The following SNAP25 variants were observed in gnomAD, a reference collection of about 807,000 sequenced individuals.
SNAP25 encodes synaptosomal-associated protein 25.
A neutral mutation model predicts 28.7 loss-of-function variants in SNAP25; 3 were observed. The ratio of observed to expected loss-of-function variants is 0.10; its 90% CI spans 0.05 to 0.27. The LOEUF is 0.27. SNAP25 is among the 10% of genes least tolerant of loss of function. The pLI is 1.00. For missense variants in SNAP25, 117 were observed against 278.7 expected (o/e 0.42, Z 4.13); for synonymous variants, 61 against 88.1 (o/e 0.69, Z 1.72).
At chr20:10,304,878 G>A (rs890160817) in intron 7 of SNAP25, among the ~76,000 whole-genome samples, 10 of 152,102 alleles carry the variant, frequency 6.6e-5, no homozygotes, top group African/African-American at 2.4e-4. Context: ...TTAAACGGAT[G>A]CTCACAACAC....
intron 1 of SNAP25, among the ~76,000 whole-genome samples, chr20:10,232,554 A>C (rs188777052): frequency 1.1e-4 from 16 of 152,300 alleles, no homozygotes; most frequent in African/African-American, 3.6e-4. Context: ...TGTTTCTTTC[A>C]CCTTTCTGTG....
chr20:10,236,959 C>CATACATAA (rs1555786463), intron 1 of SNAP25, among the ~76,000 whole-genome samples: 2 of 146,498 alleles, frequency 1.4e-5, no homozygotes, highest in Non-Finnish European at 3.0e-5. Context: ...AAGGAAAATA[C>CATACATAA]ATAAATAAAT....
At chr20:10,247,718 A>G (rs1444456337) in intron 1 of SNAP25, among the ~76,000 whole-genome samples, 1 of 152,194 alleles carries the variant, frequency 6.6e-6, no homozygotes, top group Non-Finnish European at 1.5e-5. Flanking sequence ...AGAGAAAAGA[A>G]ATTTGACTGC....
At chr20:10,276,007 TTCA>T (rs2123006848) in intron 2 of SNAP25, among the ~76,000 whole-genome samples, 1 of 152,352 alleles carries the variant, frequency 6.6e-6, no homozygotes, top group African/African-American at 2.4e-5. Flanking sequence ...ACACTCAAAC[TTCA>T]TCACTTCCTA....
intron 1 of SNAP25, among the ~76,000 whole-genome samples, chr20:10,253,942 G>T (rs78759329): frequency 6.6e-6 from 1 of 152,114 alleles, no homozygotes; most frequent in African/African-American, 2.4e-5. Flanking sequence ...GGTTCCCTAC[G>T]CAGGATGTGC....
chr20:10,303,895 A>G (rs1217271673), intron 7 of SNAP25, among the ~76,000 whole-genome samples: 1 of 152,246 alleles, frequency 6.6e-6, no homozygotes, highest in East Asian at 1.9e-4. Flanking sequence ...ACAAAATCAT[A>G]GTAAATGTGC....
chr20:10,301,158 G>C (rs917249359), intron 7 of SNAP25, among the ~76,000 whole-genome samples: 1 of 152,142 alleles, frequency 6.6e-6, no homozygotes, highest in Admixed American at 6.5e-5. Flanking sequence ...TCCTGGAAAG[G>C]CAAGTGGCAT....
chr20:10,296,897 C>T (rs1428796840), intron 5 of SNAP25, 28 bp from the exon 6 acceptor site: 1 of 1,613,604 alleles, frequency 6.2e-7, no homozygotes, highest in Non-Finnish European at 8.5e-7. Context: ...ACCCCTGTGC[C>T]TTGTCACTCA....
intron 3 of SNAP25, among the ~76,000 whole-genome samples, chr20:10,280,922 C>T (rs931955439): frequency 6.6e-6 from 1 of 152,116 alleles, no homozygotes; most frequent in African/African-American, 2.4e-5. Context: ...GTTGAGCAGT[C>T]CTTTTCAGAT....
chr20:10,245,810 A>G (rs993965671), intron 1 of SNAP25, among the ~76,000 whole-genome samples: 6 of 152,358 alleles, frequency 3.9e-5, no homozygotes, highest in Non-Finnish European at 2.9e-5. Context: ...TTGTCACTGC[A>G]TCTGTATTTG....
chr20:10,278,135 G>T, intron 3 of SNAP25: 1 of 156,616 alleles, frequency 6.4e-6, no homozygotes, highest in Non-Finnish European at 1.4e-5. Context: ...TCTAACTTTA[G>T]CCACATATAT....
intron 3 of SNAP25, among the ~76,000 whole-genome samples, chr20:10,282,583 T>C (rs565867774): frequency 2.0e-5 from 3 of 152,348 alleles, no homozygotes; most frequent in African/African-American, 7.2e-5. Context: ...TAAATGGGTA[T>C]AATAGAATAT....
intron 1 of SNAP25, among the ~76,000 whole-genome samples, chr20:10,254,206 A>C (rs1160361187): frequency 6.6e-6 from 1 of 152,198 alleles, no homozygotes; most frequent in Non-Finnish European, 1.5e-5. Flanking sequence ...CCATACAGAG[A>C]CCAGAAATGG....
chr20:10,224,257 C>CTTTT (rs71332917), intron 1 of SNAP25, among the ~76,000 whole-genome samples: 432 of 17,262 alleles, frequency 0.025, 74 homozygotes, highest in African/African-American at 0.052. Context: ...ATGTACATGT[C>CTTTT]TTTTTTTTTT....
At chr20:10,256,261 T>C (rs2063317498) in intron 1 of SNAP25, among the ~76,000 whole-genome samples, 1 of 152,248 alleles carries the variant, frequency 6.6e-6, no homozygotes, top group Admixed American at 6.5e-5. Context: ...TATCCGCTAT[T>C]ACGAAGGACC....
Position 10,293,066 on chromosome 20 carries a change from TAA to T in SNAP25, c.164-94_164-93del. On this transcript the variant is annotated intron_variant, in intron 4 of 7. Transcript: ENST00000254976. The surrounding 1 kb of genome is among the most constrained non-coding windows in gnomAD (Gnocchi z 5.6). ...TCTTTCTTTTTTTTTTTTTCTTTTT[TAA>T]TGTCAAAGTGAATGTCTGAAGTTTT... is the stretch of plus-strand genomic sequence containing the variant. The T allele has an allele frequency of 6.9e-7, 1 of 1,455,332 alleles. No homozygotes were observed. The highest frequency in any genetic ancestry group is 9.4e-7 in the Non-Finnish European group (1 of 1,068,210). The allele number at this position is 1,455,332 out of a possible 1,614,324, so 90.2% of individuals were successfully genotyped here.
chr20:10,245,589 A>G lies in SNAP25; in HGVS notation c.-64+26612A>G, dbSNP rs372347276. 3.3e-5 allele frequency among the ~76,000 whole-genome samples: 5 copies of G among 152,232 alleles called. No homozygotes were observed. The East Asian group carries it at 5.8e-4, about 18-fold the overall frequency. ...TCTGGGGCAGTGTGGGTTTCAAAGT[A>G]TCGCATTTACAGTTTCACCCCGGGC... On this transcript the variant is annotated intron_variant, in intron 1 of 7. Transcript: ENST00000254976.
chr20:10,306,222 A>T lies in SNAP25; in HGVS notation c.*25A>T. On this transcript the variant is annotated 3_prime_UTR_variant, in exon 8 of 8. Transcript: ENST00000254976. Reference sequence around the variant, plus strand: ...AGTGTGCCCACCCGTGTTCTCCTCCAAATGCTGTCGGGCAAGATAGCTCCT... The same window carrying T: ...AGTGTGCCCACCCGTGTTCTCCTCCTAATGCTGTCGGGCAAGATAGCTCCT... The T allele has an allele frequency of 6.2e-7, 1 of 1,611,554 alleles. No homozygotes were observed. The highest frequency in any genetic ancestry group is 8.5e-7 in the Non-Finnish European group (1 of 1,178,220).
chr20:10,241,105 G>T (rs887252039), intron 1 of SNAP25, among the ~76,000 whole-genome samples: 2 of 151,316 alleles, frequency 1.3e-5, no homozygotes, highest in African/African-American at 4.8e-5. Context: ...CTGCAGGGCC[G>T]ACATGGGCTT....
Sources: gnomAD v4.1 joint callset for allele counts (sites outside exome capture counted in the v4.1 genomes callset) on GRCh38, gnomAD v4.1.1 for gene constraint, Gnocchi (gnomAD v3.1) non-coding constraint, MANE v1.5 for transcripts, NCBI Gene and HGNC (gene_info 2026-07-23, HGNC 2026-07-21) for gene names.